Variants in CUL5 observed in about 807,000 individuals in gnomAD.
The protein encoded by CUL5 is cullin 5.
CUL5 carries 26 observed loss-of-function variants against 108.8 expected under a neutral mutation model. The observed-to-expected ratio is 0.24, with a 90% CI of 0.18 to 0.33. The LOEUF (loss-of-function observed/expected upper bound fraction) is 0.33. CUL5 is among the 10% of genes least tolerant of loss of function. The pLI is 1.00. For missense variants in CUL5, 524 were observed against 909.2 expected (o/e 0.58, Z 5.45); for synonymous variants, 334 against 298.0 (o/e 1.12, Z -1.25).
intron 7 of CUL5, among the ~76,000 whole-genome samples, chr11:108,056,571 T>A (rs548593650): frequency 6.6e-6 from 1 of 152,324 alleles, no homozygotes; most frequent in South Asian, 2.1e-4. Flanking sequence ...AAGTTCTTTA[T>A]AGTGATATAA....
At chr11:108,016,253 G>A (rs936324947) in intron 1 of CUL5, among the ~76,000 whole-genome samples, 1 of 149,360 alleles carries the variant, frequency 6.7e-6, no homozygotes, top group African/African-American at 2.5e-5. Context: ...TTCTCTTCTC[G>A]TCTTCTCTTC....
At chr11:108,059,522 T>C (rs1295364739) in intron 7 of CUL5, among the ~76,000 whole-genome samples, 1 of 152,158 alleles carries the variant, frequency 6.6e-6, no homozygotes, top group Non-Finnish European at 1.5e-5. Flanking sequence ...ACAGATGTTA[T>C]TTTACCAGCT....
chr11:108,089,419 G>C, intron 12 of CUL5, 73 bp from the exon 13 acceptor site: 1 of 1,119,388 alleles, frequency 8.9e-7, no homozygotes, highest in South Asian at 1.6e-5. Context: ...ACAATTGGTG[G>C]ATATAGAAAG....
chr11:108,073,405 G>A lies in CUL5; in HGVS notation c.1021G>A (p.Val341Ile). 3 of 1,553,126 alleles carry A rather than the reference G, an allele frequency of 1.9e-6. No homozygotes were observed. The highest frequency in any genetic ancestry group is 1.8e-6 in the Non-Finnish European group (2 of 1,139,196). Residue 341 changes from valine (V) to isoleucine (I), a missense_variant, in exon 10 of 19, where the codon GTT becomes ATT. Physicochemically the swap from Val to Ile is conservative, Grantham distance 29. This residue lies in a region of CUL5 where 27 missense variants were observed against 21.3 expected (regional missense o/e 1.27). Coordinates refer to ENST00000393094, the MANE Select transcript of CUL5 (RefSeq NM_003478.6). ...ETITTDSEKY[V>I]EQLLTLFNRF... ...TTGTTTCTAGGACTCTGAGAAATAC[G>A]TTGAGCAGTTACTTACACTATTTAA...
chr11:108,021,631 G>A (rs1016866396), intron 1 of CUL5, among the ~76,000 whole-genome samples: 1 of 151,540 alleles, frequency 6.6e-6, no homozygotes, highest in Non-Finnish European at 1.5e-5. Flanking sequence ...GGGACTACTG[G>A]TGTGCACCAC....
chr11:108,072,492 T>C, intron 9 of CUL5, 30 bp downstream of exon 9: 3 of 1,567,772 alleles, frequency 1.9e-6, no homozygotes, highest in Non-Finnish European at 2.6e-6. Context: ...CAATGATAGA[T>C]ATATATCAAG....
chr11:108,088,607 C>T lies in CUL5; in HGVS notation c.1259C>T (p.Pro420Leu). 1 of 1,612,046 alleles carries T rather than the reference C, an allele frequency of 6.2e-7. No homozygotes were observed. The highest frequency in any genetic ancestry group is 8.5e-7 in the Non-Finnish European group (1 of 1,179,054). The change falls in exon 12 of 19, where the codon CCA becomes CTA. Residue 420 changes from proline to leucine, a missense_variant. Pro to Leu is a moderately conservative substitution (Grantham distance 98). This residue lies in a region of CUL5 where 76 missense variants were observed against 168.3 expected (regional missense o/e 0.45). Transcript: ENST00000393094. ...NYCDMLLRKT[P>L]LSKKLTSEEI... Reference sequence around the variant, plus strand: ...TGTGACATGTTGCTAAGAAAAACACCATTAAGCAAAAAACTAACCTCTGAA... The same window carrying T: ...TGTGACATGTTGCTAAGAAAAACACTATTAAGCAAAAAACTAACCTCTGAA...
In CUL5 at chr11:108,056,785, A is replaced by G. The variant is rs149331459; in HGVS notation, c.780+1830A>G. ...TTAGGCAGACCAAGTAGAGTTACAGAAGTGGGAATGGAAAAGACAAGGGAA... is the reference window on the plus strand; with the variant it reads ...TTAGGCAGACCAAGTAGAGTTACAGGAGTGGGAATGGAAAAGACAAGGGAA... On this transcript the variant is annotated intron_variant, in intron 7 of 18. Coordinates refer to ENST00000393094, the MANE Select transcript of CUL5 (RefSeq NM_003478.6). Among the ~76,000 whole-genome samples the G allele has an allele frequency of 1.8e-3, 276 of 152,280 alleles. 3 individuals are homozygous for G. Among genetic ancestry groups the G allele is most frequent in the African/African-American group, 6.0e-3 (248 of 41,570 alleles).
At chr11:108,052,926 CTTT>C (rs1333916473) in intron 5 of CUL5, 125 bp downstream of exon 5, 4 of 702,428 alleles carry the variant, frequency 5.7e-6, no homozygotes, top group Non-Finnish European at 8.7e-6. Context: ...GTACTAGATA[CTTT>C]TTTTGAGAGT....
chr11:108,095,729 C>T, intron 16 of CUL5, 38 bp downstream of exon 16: 2 of 1,522,528 alleles, frequency 1.3e-6, no homozygotes, highest in African/African-American at 1.4e-5. Context: ...ACTGTATCCT[C>T]TCATGTAGCA....
intron 7 of CUL5, among the ~76,000 whole-genome samples, chr11:108,058,965 A>C (rs1297252247): frequency 6.6e-6 from 1 of 152,214 alleles, no homozygotes; most frequent in Non-Finnish European, 1.5e-5. Flanking sequence ...AAAGTAACAC[A>C]ACCATAAGAA....
intron 10 of CUL5, among the ~76,000 whole-genome samples, chr11:108,077,939 A>T (rs180894819): frequency 3.9e-4 from 60 of 152,254 alleles, no homozygotes; most frequent in Middle Eastern, 3.4e-3. Context: ...ACAGAGTGAG[A>T]CTTCATCTCA....
chr11:108,095,059 TAAAC>T (rs936361160), intron 15 of CUL5, 72 bp downstream of exon 15: 29 of 1,289,082 alleles, frequency 2.2e-5, no homozygotes, highest in Non-Finnish European at 3.0e-5. Context: ...CAGAATTGCT[TAAAC>T]AAAATAGATT....
intron 10 of CUL5, among the ~76,000 whole-genome samples, chr11:108,075,254 T>C (rs1591317741): frequency 6.6e-6 from 1 of 152,090 alleles, no homozygotes; most frequent in East Asian, 1.9e-4. Flanking sequence ...GCGTGGCGTA[T>C]TAGTAAGTCA....
At chr11:108,029,966 G>A (rs530050962) in intron 1 of CUL5, among the ~76,000 whole-genome samples, 2 of 152,268 alleles carry the variant, frequency 1.3e-5, no homozygotes, top group East Asian at 3.9e-4. Context: ...AAATTAGAAA[G>A]TATCCTCTTG....
At chr11:108,052,106 C>T (rs1863241794) in intron 4 of CUL5, among the ~76,000 whole-genome samples, 1 of 152,020 alleles carries the variant, frequency 6.6e-6, no homozygotes, top group South Asian at 2.1e-4. Context: ...GCTGGGACTA[C>T]AGGCACATGC....
At position 108,053,021 on chromosome 11, in the gene CUL5, T is replaced by C. The variant is rs182241012; in HGVS notation, c.553+220T>C. Among the ~76,000 whole-genome samples, 1,316 of 152,322 alleles carry C rather than the reference T, an allele frequency of 8.6e-3. 7 individuals are homozygous for C. Among genetic ancestry groups the C allele is most frequent in the Non-Finnish European group, 0.014 (982 of 68,018 alleles). Reference sequence around the variant, plus strand: ...ATATTTTCTTCATGCCATTAATTTCTTGGCAAGTCGTTTTAGTGAACTAAA... The same window carrying C: ...ATATTTTCTTCATGCCATTAATTTCCTGGCAAGTCGTTTTAGTGAACTAAA... On this transcript the variant is annotated intron_variant, in intron 5 of 18. Transcript: ENST00000393094.
chr11:108,060,481 C>CT (rs563794220), intron 7 of CUL5, among the ~76,000 whole-genome samples: 25 of 148,930 alleles, frequency 1.7e-4, no homozygotes, highest in Non-Finnish European at 2.5e-4. Flanking sequence ...ATCAGAAATG[C>CT]TTTTTTTTTT....
chr11:108,086,780 T>A (rs1235640966), intron 11 of CUL5, among the ~76,000 whole-genome samples: 1 of 152,204 alleles, frequency 6.6e-6, no homozygotes, highest in African/African-American at 2.4e-5. Context: ...TCTTGATTCT[T>A]ACTGTGGTGC....
Sources: gnomAD v4.1 joint callset for allele counts (sites outside exome capture counted in the v4.1 genomes callset) on GRCh38, gnomAD v4.1.1 for gene constraint, gnomAD v4.1.1 regional missense constraint, MANE v1.5 for transcripts, NCBI Gene and HGNC (gene_info 2026-07-23, HGNC 2026-07-21) for gene names.